The following DHX29 variants were observed in gnomAD, a reference collection of about 807,000 sequenced individuals.
DHX29 encodes ATP-dependent RNA helicase DHX29.
Under a neutral mutation model 167.9 loss-of-function variants are expected in DHX29, and 79 were observed. That is an observed-to-expected ratio of 0.47 (90% CI 0.39 to 0.57). The LOEUF is 0.57. Ranked by LOEUF, DHX29 falls within the 20% of genes least tolerant of loss-of-function variation. The pLI is 0.00. For synonymous variants in DHX29, 530 were observed against 546.0 expected, an observed-to-expected ratio of 0.97 and a Z score of 0.41; for missense variants, 1,347 against 1,593.4, an observed-to-expected ratio of 0.85 and a Z score of 2.63.
chr5:55,283,729 T>A lies in DHX29; in HGVS notation c.1439A>T (p.Asn480Ile). Residue 480 changes from asparagine to isoleucine, a missense_variant, in exon 11 of 27, where the codon AAT (asparagine) becomes ATT (isoleucine). Physicochemically the swap from Asn to Ile is moderately radical, Grantham distance 149. This residue lies in a region of DHX29 where 882 missense variants were observed against 1,082.4 expected (regional missense o/e 0.81). Transcript: ENST00000251636. The part of the protein sequence containing the change: ...SDAEKKREEL[N>I]KMETNKPRDL... ...ACGTGGTTTATTGGTTTCCATTTTA[T>A]TTAATTCTTCCCTTTTCTTTTCTGC... is the stretch of plus-strand genomic sequence containing the variant. The A allele has an allele frequency of 6.2e-7, 1 of 1,613,938 alleles. No homozygotes were observed. Among genetic ancestry groups the A allele is most frequent in the Non-Finnish European group, 8.5e-7 (1 of 1,179,996 alleles).
At chr5:55,270,527 T>C (rs776983537) in intron 19 of DHX29, 40 bp from the exon 20 acceptor site, 1 of 1,613,342 alleles carries the variant, frequency 6.2e-7, no homozygotes, top group South Asian at 1.1e-5. Flanking sequence ...TTATCAGAAA[T>C]GTCACACAAT....
chr5:55,304,303 A>G (rs1748749673), intron 1 of DHX29, among the ~76,000 whole-genome samples: 1 of 143,154 alleles, frequency 7.0e-6, no homozygotes, highest in Non-Finnish European at 1.5e-5. Context: ...GCTTGCTCAA[A>G]TGTCACTTTT....
chr5:55,299,036 CAAAAAAA>C (rs35986300), intron 1 of DHX29, among the ~76,000 whole-genome samples: 46 of 76,162 alleles, frequency 6.0e-4, no homozygotes, highest in Non-Finnish European at 9.2e-4. Flanking sequence ...GACTCCGTCT[CAAAAAAA>C]AAAAAAAAAA....
rs1189541827 is a variant in DHX29, at chr5:55,307,639, C to T, written c.-66G>A. 1.3e-6 allele frequency: 2 copies of T among 1,573,572 alleles called. No individual in the cohort carries two copies. The highest frequency in any genetic ancestry group is 1.7e-6 in the Non-Finnish European group (2 of 1,159,332). ...GACGGTACCACTGCACAGCCGAGAG[C>T]TCTTCACATTCCCCGGCTCCGGGGC... is the stretch of plus-strand genomic sequence containing the variant. On this transcript the variant is annotated 5_prime_UTR_variant, in exon 1 of 27. Coordinates refer to ENST00000251636, the MANE Select transcript of DHX29 (RefSeq NM_019030.4).
chr5:55,297,474 A>T lies in DHX29; in HGVS notation c.262-76T>A, dbSNP rs568896143. 45 of 690,868 alleles carry T rather than the reference A, an allele frequency of 6.5e-5. No individual in the cohort carries two copies. In the Admixed American group the frequency reaches 9.0e-4, roughly 14 times the overall value. The allele number at this position is 690,868 out of a possible 1,614,324, so 42.8% of individuals were successfully genotyped here. ...TTAAAAGCCAATCATACAGTTTTCT[A>T]TATTCCTGCCAACCAAGCCCAAAAT... On this transcript the variant is annotated intron_variant, in intron 2 of 26. Coordinates refer to ENST00000251636, the MANE Select transcript of DHX29 (RefSeq NM_019030.4).
At chr5:55,288,787 G>A (rs1561160491) in intron 8 of DHX29, among the ~76,000 whole-genome samples, 1 of 152,214 alleles carries the variant, frequency 6.6e-6, no homozygotes, top group Non-Finnish European at 1.5e-5. Flanking sequence ...GGTTGGCCAA[G>A]TAGGGGGTAG....
intron 8 of DHX29, among the ~76,000 whole-genome samples, chr5:55,288,656 TA>T: frequency 6.6e-6 from 1 of 152,176 alleles, no homozygotes; most frequent in South Asian, 2.1e-4. Context: ...AAAAATTTTT[TA>T]AAAAAATAAT....
At chr5:55,275,120 T>C (rs1404759539) in intron 14 of DHX29, 110 bp from the exon 15 acceptor site, 1 of 1,238,956 alleles carries the variant, frequency 8.1e-7, no homozygotes, top group African/African-American at 1.5e-5. Context: ...ATTTTTCTCA[T>C]TGTCACCATT....
At chr5:55,257,610 A>T (rs1318455943) in intron 26 of DHX29, among the ~76,000 whole-genome samples, 1 of 152,166 alleles carries the variant, frequency 6.6e-6, no homozygotes, top group Non-Finnish European at 1.5e-5. Context: ...TGATTTTTAA[A>T]TTGAGGAAGA....
chr5:55,306,866 GCAGA>G (rs373448567), intron 1 of DHX29, among the ~76,000 whole-genome samples: 13 of 152,290 alleles, frequency 8.5e-5, no homozygotes, highest in African/African-American at 2.9e-4. Flanking sequence ...AGAAACGAGG[GCAGA>G]CAATTTTACA....
chr5:55,307,047 G>A (rs1748905426), intron 1 of DHX29, among the ~76,000 whole-genome samples: 1 of 152,194 alleles, frequency 6.6e-6, no homozygotes, highest in Non-Finnish European at 1.5e-5. Context: ...ACTCCACTCA[G>A]TACTCGTCTT....
intron 4 of DHX29, 82 bp from the exon 5 acceptor site, chr5:55,295,606 C>A (rs778707658): frequency 6.9e-7 from 1 of 1,445,170 alleles, no homozygotes; most frequent in African/African-American, 1.4e-5. Context: ...CATTTGTAAA[C>A]CTTGCCTAGA....
intron 5 of DHX29, 29 bp from the exon 6 acceptor site, chr5:55,294,174 A>G: frequency 5.2e-6 from 8 of 1,552,754 alleles, no homozygotes; most frequent in Non-Finnish European, 6.9e-6. Context: ...TATCTGAAAA[A>G]CCAAAGTTAG....
In DHX29 at chr5:55,307,499, G is replaced by A; in HGVS notation, c.75C>T (p.Ala25=). Residue 25 remains alanine (A), a synonymous_variant, in exon 1 of 27, where the codon GCC becomes GCT. Transcript: ENST00000251636. ...CGGCAATTCCAGCCTCGGCAGATTT[G>A]GCTCTGGAAGCAGACACGGCGGCCC... ...VVRAAVSASR[A]KSAEAGIAGE... 1 of 1,613,708 alleles carries A rather than the reference G, an allele frequency of 6.2e-7. No individual in the cohort carries two copies. Among genetic ancestry groups the A allele is most frequent in the Non-Finnish European group, 8.5e-7 (1 of 1,179,966 alleles).
chr5:55,274,182 C>G (rs1209904342), intron 16 of DHX29, among the ~76,000 whole-genome samples: 2 of 151,726 alleles, frequency 1.3e-5, no homozygotes, highest in African/African-American at 4.8e-5. Flanking sequence ...TCCCTTTAGC[C>G]CAAGAGTTTG....
In DHX29 at chr5:55,295,418, T is replaced by C; in HGVS notation, c.612A>G (p.Gln204=). The C allele has an allele frequency of 6.2e-7, 1 of 1,613,626 alleles. No individual in the cohort carries two copies. The highest frequency in any genetic ancestry group is 1.7e-5 in the Admixed American group (1 of 60,012). Residue 204 remains glutamine, a synonymous_variant, in exon 5 of 27, where the codon CAA becomes CAG. Coordinates refer to ENST00000251636, the MANE Select transcript of DHX29 (RefSeq NM_019030.4). ...CCTCTTCATATGTTTTTGTTTTAGG[T>C]TGCAATGGAGGTGAAATAGTGGCTT... ...QIQATISPPL[Q]PKTKTYEEDP... is the part of the protein sequence containing the mutation.
rs184762381 is a variant in DHX29 at position 55,297,685 on chromosome 5, C to T, written c.262-287G>A. On this transcript the variant is annotated intron_variant, in intron 2 of 26. Transcript: ENST00000251636. ...TTGGACCACCCTTGGGTTGCTGTCA[C>T]AAAGATTCCTAAGTTCTATCCCAAA... Among the ~76,000 whole-genome samples, 26 of 152,234 alleles carry T rather than the reference C, an allele frequency of 1.7e-4. No homozygotes were observed. In the East Asian group the frequency reaches 4.8e-3, roughly 28 times the overall value.
At chr5:55,304,422 C>A (rs1250054108) in intron 1 of DHX29, among the ~76,000 whole-genome samples, 1 of 151,556 alleles carries the variant, frequency 6.6e-6, no homozygotes. Context: ...CGCCATTCTC[C>A]TGCCTCAGCC....
chr5:55,276,374 TGTTTC>T lies in DHX29; in HGVS notation c.2314_2318del (p.Glu772ArgfsTer24). 6.3e-7 allele frequency: 1 copy of T among 1,597,230 alleles called. No individual in the cohort carries two copies. The highest frequency in any genetic ancestry group is 8.5e-7 in the Non-Finnish European group (1 of 1,174,434). On this transcript the variant is annotated frameshift_variant, in exon 14 of 27. Transcript: ENST00000251636. LOFTEE classifies it high-confidence loss of function. ...CTGAGTCTTTTTCCAGTACAAAGCC[TGTTTC>T]TTCTATTATATCTTCAAGATGAAAA...
Sources: allele counts gnomAD v4.1 joint callset (sites outside exome capture counted in the v4.1 genomes callset), GRCh38; gene constraint gnomAD v4.1.1; regional missense constraint gnomAD v4.1.1; transcripts MANE v1.5; gene names NCBI Gene and HGNC (gene_info 2026-07-23, HGNC 2026-07-21).